The following ETV6 variants were observed in gnomAD, a reference collection of about 807,000 sequenced individuals.
ETV6 encodes ETS variant transcription factor 6.
In ETV6, 16 loss-of-function variants were observed where a neutral mutation model predicts 51.1. That is an observed-to-expected ratio of 0.31 (90% CI 0.21 to 0.48). The LOEUF is 0.48. ETV6 is among the 20% of genes least tolerant of loss of function. The pLI, the probability that ETV6 is intolerant of heterozygous loss-of-function variation, is 0.99. For synonymous variants in ETV6, 240 were observed against 224.1 expected, an observed-to-expected ratio of 1.07 and a Z score of -0.64; for missense variants, 458 against 594.8, an observed-to-expected ratio of 0.77 and a Z score of 2.39.
intron 1 of ETV6, among the ~76,000 whole-genome samples, chr12:11,675,856 AAGAG>A (rs764255555): frequency 1.3e-5 from 2 of 151,784 alleles, no homozygotes; most frequent in South Asian, 2.1e-4. Flanking sequence ...AAAGGAAGGG[AAGAG>A]AGAGAGAAGG....
At chr12:11,826,850 G>A (rs796099037) in intron 2 of ETV6, among the ~76,000 whole-genome samples, 23 of 152,188 alleles carry the variant, frequency 1.5e-4, no homozygotes, top group African/African-American at 5.5e-4. Flanking sequence ...GACGGGGTTC[G>A]CTTTGTGGTG....
At chr12:11,786,513 T>C (rs537647130) in intron 2 of ETV6, among the ~76,000 whole-genome samples, 2 of 152,354 alleles carry the variant, frequency 1.3e-5, no homozygotes, top group African/African-American at 4.8e-5. Flanking sequence ...TGATCAAATA[T>C]GATGCATTTT....
intron 1 of ETV6, among the ~76,000 whole-genome samples, chr12:11,670,865 T>C (rs2724607): frequency 0.021 from 3,168 of 152,336 alleles, 103 homozygotes; most frequent in African/African-American, 0.071. Flanking sequence ...CTTGCAGGGT[T>C]TTAAAAATAT....
intron 5 of ETV6, among the ~76,000 whole-genome samples, chr12:11,876,855 C>T (rs1335741297): frequency 6.6e-6 from 1 of 152,216 alleles, no homozygotes; most frequent in Non-Finnish European, 1.5e-5. Context: ...ACAGAATTTC[C>T]TCTCAGCTCA....
intron 1 of ETV6, among the ~76,000 whole-genome samples, chr12:11,651,134 A>C (rs1169392809): frequency 1.3e-5 from 2 of 152,208 alleles, no homozygotes; most frequent in Admixed American, 6.5e-5. Flanking sequence ...TTTATTGTAC[A>C]CTTTATTCAT....
At position 11,752,525 on chromosome 12, in the gene ETV6, G is replaced by A. The variant is rs752186257; in HGVS notation, c.109G>A (p.Val37Met). Reference protein sequence around the residue: ...YASSTPLHVPVPRALRMEEDS... With the variant: ...YASSTPLHVPMPRALRMEEDS... ...TTCCTCGACGCCACTTCATGTTCCAGTGCCTCGAGCGCTCAGGATGGAGGA... is the reference window on the plus strand; with the variant it reads ...TTCCTCGACGCCACTTCATGTTCCAATGCCTCGAGCGCTCAGGATGGAGGA... The change falls in exon 2 of 8, where the codon GTG becomes ATG. Residue 37 changes from valine to methionine, a missense_variant. Physicochemically the swap from Val to Met is conservative, Grantham distance 21. Coordinates refer to ENST00000396373, the MANE Select transcript of ETV6 (RefSeq NM_001987.5). The A allele has an allele frequency of 3.7e-6, 6 of 1,613,956 alleles. No individual in the cohort carries two copies. The highest frequency in any genetic ancestry group is 5.1e-6 in the Non-Finnish European group (6 of 1,180,020).
chr12:11,767,471 T>TG (rs955180027), intron 2 of ETV6, among the ~76,000 whole-genome samples: 1 of 152,198 alleles, frequency 6.6e-6, no homozygotes, highest in African/African-American at 2.4e-5. Context: ...CTCGACTCTG[T>TG]GGGGGAAAAT....
chr12:11,712,653 G>A (rs1865194816), intron 1 of ETV6, among the ~76,000 whole-genome samples: 1 of 152,210 alleles, frequency 6.6e-6, no homozygotes, highest in Non-Finnish European at 1.5e-5. Context: ...TTCCTTGGGA[G>A]ACCCAAGTTT....
chr12:11,865,994 G>A (rs1306047617), intron 4 of ETV6, among the ~76,000 whole-genome samples: 1 of 151,596 alleles, frequency 6.6e-6, no homozygotes, highest in Non-Finnish European at 1.5e-5. Flanking sequence ...TCTCCTTCTT[G>A]GACACCAATT....
chr12:11,801,328 A>G (rs1424741903), intron 2 of ETV6, among the ~76,000 whole-genome samples: 1 of 152,240 alleles, frequency 6.6e-6, no homozygotes, highest in Non-Finnish European at 1.5e-5. Flanking sequence ...TAGGGTAATT[A>G]GGCCTATTTT....
chr12:11,667,912 G>A (rs1413231504), intron 1 of ETV6, among the ~76,000 whole-genome samples: 1 of 151,702 alleles, frequency 6.6e-6, no homozygotes, highest in South Asian at 2.1e-4. Context: ...ATCTTGGCCA[G>A]GCTGGTCTTG....
chr12:11,739,413 TG>T (rs1487959794), intron 1 of ETV6, among the ~76,000 whole-genome samples: 1 of 152,228 alleles, frequency 6.6e-6, no homozygotes, highest in Non-Finnish European at 1.5e-5. Flanking sequence ...CCACTGGCAC[TG>T]GGGATGGTGA....
At chr12:11,812,634 TC>T (rs1371022884) in intron 2 of ETV6, among the ~76,000 whole-genome samples, 1 of 151,924 alleles carries the variant, frequency 6.6e-6, no homozygotes, top group Non-Finnish European at 1.5e-5. Flanking sequence ...GGTCTCTTCT[TC>T]CCCCGCCACC....
In ETV6 at chr12:11,893,841, T is replaced by TATACACAC. The variant is rs1491290450; in HGVS notation, c.*2796_*2797insTACACACA. The stretch of plus-strand genomic sequence containing the variant: ...ATATATATATATATATATATATATA[T>TATACACAC]ACACACACACACACATACACAAATA... On this transcript the variant is annotated 3_prime_UTR_variant, in exon 8 of 8. Transcript: ENST00000396373. The TATACACAC allele has an allele frequency of 1.7e-5, 1 of 57,312 alleles. No individual in the cohort carries two copies. Among genetic ancestry groups the TATACACAC allele is most frequent in the African/African-American group, 6.4e-5 (1 of 15,688 alleles). The allele number at this position is 57,312 out of a possible 1,614,324, so 3.6% of individuals were successfully genotyped here.
At chr12:11,863,798 G>T (rs561805128) in intron 4 of ETV6, among the ~76,000 whole-genome samples, 2 of 152,348 alleles carry the variant, frequency 1.3e-5, no homozygotes, top group African/African-American at 4.8e-5. Context: ...AACAGAGGCG[G>T]CAGGCAGCAG....
At chr12:11,853,804 G>A (rs1179194159) in intron 4 of ETV6, among the ~76,000 whole-genome samples, 1 of 152,228 alleles carries the variant, frequency 6.6e-6, no homozygotes, top group Non-Finnish European at 1.5e-5. Flanking sequence ...CCGTAAAGGT[G>A]TGGTGGAAGG....
At chr12:11,650,489 A>AAAC (rs1555109498) in intron 1 of ETV6, among the ~76,000 whole-genome samples, 8 of 67,390 alleles carry the variant, frequency 1.2e-4, no homozygotes, top group Non-Finnish European at 2.1e-4. Flanking sequence ...CTTAAAAAAA[A>AAAC]AAAAAACAAA....
chr12:11,713,658 T>C (rs1214975226), intron 1 of ETV6, among the ~76,000 whole-genome samples: 1 of 152,202 alleles, frequency 6.6e-6, no homozygotes, highest in Non-Finnish European at 1.5e-5. Flanking sequence ...AATAAAATGA[T>C]ATAATATCTG....
intron 2 of ETV6, among the ~76,000 whole-genome samples, chr12:11,791,760 T>C (rs903555507): frequency 6.6e-6 from 1 of 152,030 alleles, no homozygotes; most frequent in African/African-American, 2.4e-5. Flanking sequence ...TCATTGATAT[T>C]GTTATATGCT....
Sources: allele counts gnomAD v4.1 joint callset (sites outside exome capture counted in the v4.1 genomes callset), GRCh38; gene constraint gnomAD v4.1.1; transcripts MANE v1.5; gene names NCBI Gene and HGNC (gene_info 2026-07-23, HGNC 2026-07-21).